Variants in HIF3A observed in about 807,000 individuals in gnomAD.
HIF3A encodes the protein hypoxia inducible factor 3 subunit alpha.
HIF3A carries 41 observed loss-of-function variants against 67.2 expected under a neutral mutation model. The ratio of observed to expected loss-of-function variants is 0.61; its 90% CI spans 0.48 to 0.79. The LOEUF (loss-of-function observed/expected upper bound fraction) is 0.79. Ranked by LOEUF, HIF3A falls within the 30% of genes least tolerant of loss-of-function variation. The pLI, the probability that HIF3A is intolerant of heterozygous loss-of-function variation, is 0.00. For missense variants in HIF3A, 855 were observed against 898.0 expected (o/e 0.95, Z 0.61); for synonymous variants, 356 against 374.8 (o/e 0.95, Z 0.58).
chr19:46,300,754 T>C (rs1398077955), intron 1 of HIF3A, among the ~76,000 whole-genome samples: 1 of 152,172 alleles, frequency 6.6e-6, no homozygotes, highest in African/African-American at 2.4e-5. Flanking sequence ...GAGTCAGGAT[T>C]GGAACCCTGA....
chr19:46,309,946 C>T (rs1452702845), intron 6 of HIF3A, among the ~76,000 whole-genome samples: 2 of 151,992 alleles, frequency 1.3e-5, no homozygotes, highest in Admixed American at 6.6e-5. Flanking sequence ...CAAGTGGGGC[C>T]GGGTGCAGTG....
chr19:46,329,792 C>T (rs1971053762), intron 12 of HIF3A, among the ~76,000 whole-genome samples: 3 of 151,954 alleles, frequency 2.0e-5, no homozygotes, highest in Admixed American at 1.3e-4. Flanking sequence ...AAGACATTGC[C>T]GTGTGTCAGA....
chr19:46,304,120 G>A, intron 2 of HIF3A, 32 bp downstream of exon 2: 1 of 1,534,518 alleles, frequency 6.5e-7, no homozygotes, highest in South Asian at 1.2e-5. Context: ...TCCCGTCTTG[G>A]TCAGGCCCCG....
chr19:46,333,778 T>G (rs1156555459), intron 13 of HIF3A, among the ~76,000 whole-genome samples: 1 of 142,844 alleles, frequency 7.0e-6, no homozygotes, highest in African/African-American at 2.7e-5. Context: ...TTCCTTTCTT[T>G]TCTTTCTTTC....
At chr19:46,320,356 G>C in intron 8 of HIF3A, 87 bp from the exon 9 acceptor site, 1 of 1,018,794 alleles carries the variant, frequency 9.8e-7, no homozygotes, top group Non-Finnish European at 1.5e-6. Flanking sequence ...ATTGCCTTCT[G>C]TAATAGGACA....
Position 46,315,323 on chromosome 19 carries a change from T to C in HIF3A, c.1025+2670T>C, listed in dbSNP as rs1274428463. ...CTCAGGTGATCCTCCTGCCTCAGCC[T>C]CCCAAAGTGCTGGAATTACAGGCGT... On this transcript the variant is annotated intron_variant, in intron 8 of 14. Coordinates refer to ENST00000377670, the MANE Select transcript of HIF3A (RefSeq NM_152795.4). Among the ~76,000 whole-genome samples the C allele has an allele frequency of 3.4e-5, 5 of 146,912 alleles. 1 individual carries two copies. The highest frequency in any genetic ancestry group is 1.2e-4 in the African/African-American group (5 of 40,480).
chr19:46,338,050 G>T (rs1971752690), intron 14 of HIF3A, among the ~76,000 whole-genome samples: 1 of 152,306 alleles, frequency 6.6e-6, no homozygotes, highest in African/African-American at 2.4e-5. Context: ...GCCTAGCTTT[G>T]TGCTAAATCC....
intron 5 of HIF3A, 42 bp from the exon 6 acceptor site, chr19:46,309,109 C>A (rs1180600965): frequency 2.6e-6 from 4 of 1,554,864 alleles, no homozygotes; most frequent in African/African-American, 2.7e-5. Flanking sequence ...TGGTCTCAGG[C>A]CCAGAGGCAC....
chr19:46,319,952 G>A (rs1344621132), intron 8 of HIF3A, among the ~76,000 whole-genome samples: 2 of 152,148 alleles, frequency 1.3e-5, no homozygotes, highest in African/African-American at 4.8e-5. Flanking sequence ...AGAATAGGCC[G>A]GGCACAGTGG....
chr19:46,298,867 C>T (rs1968085834), intron 1 of HIF3A, among the ~76,000 whole-genome samples: 1 of 150,840 alleles, frequency 6.6e-6, no homozygotes, highest in South Asian at 2.1e-4. Context: ...CCCACCAAAT[C>T]CTCTGTGCTT....
At position 46,339,950 on chromosome 19, in the gene HIF3A, A is replaced by G. The variant is rs1254094611; in HGVS notation, c.*328A>G. The stretch of plus-strand genomic sequence containing the variant: ...TCTCTTGGCTTTATTTTGGGGAATC[A>G]GGGGTGAGGAGGGTTGGGGGGGTCA... On this transcript the variant is annotated 3_prime_UTR_variant, in exon 15 of 15. Transcript: ENST00000377670. 2.3e-5 allele frequency: 6 copies of G among 262,418 alleles called. No homozygotes were observed. In the Admixed American group the frequency reaches 2.7e-4, roughly 12 times the overall value. 16.3% of individuals were successfully genotyped at this position (262,418 alleles called of 1,614,324 possible).
chr19:46,326,497 G>C (rs1465282055), intron 11 of HIF3A, among the ~76,000 whole-genome samples: 1 of 152,044 alleles, frequency 6.6e-6, no homozygotes, highest in Non-Finnish European at 1.5e-5. Context: ...GGATCATTGG[G>C]AACTTCCAAT....
intron 8 of HIF3A, 72 bp downstream of exon 8, chr19:46,312,725 G>GTGTGTGTA: frequency 1.3e-6 from 2 of 1,507,478 alleles, no homozygotes; most frequent in Non-Finnish European, 1.8e-6. Flanking sequence ...GTGTGTGTGT[G>GTGTGTGTA]TGTGTGTGTG....
chr19:46,322,087 AG>A lies in HIF3A; in HGVS notation c.1335+123del, dbSNP rs1970414453. ...CAGCTTCTCCATCTGTGTAGTGGGG[AG>A]GTTGGGATGAGATGGGGTTGAGGTT... On this transcript the variant is annotated intron_variant, in intron 10 of 14. Transcript: ENST00000377670. The A allele has an allele frequency of 4.0e-6, 4 of 996,580 alleles. No individual in the cohort carries two copies. The Admixed American group carries it at 1.1e-4, about 28-fold the overall frequency. 61.7% of individuals were successfully genotyped at this position (996,580 alleles called of 1,614,324 possible). A position where few individuals can be genotyped will look rare whatever the true frequency, so the allele number is the denominator to read the frequency against.
chr19:46,312,156 C>G lies in HIF3A; in HGVS notation c.771-5C>G. On this transcript the variant is annotated splice_polypyrimidine_tract_variant and splice_region_variant and intron_variant, in intron 6 of 14. Coordinates refer to ENST00000377670, the MANE Select transcript of HIF3A (RefSeq NM_152795.4). ...TGACCAGACCCCACTCCGCCCCACC[C>G]CCAGGATTGCAGAAGTGGCTGGCTA... The G allele has an allele frequency of 1.9e-6, 3 of 1,613,562 alleles. No homozygotes were observed. The highest frequency in any genetic ancestry group is 2.5e-6 in the Non-Finnish European group (3 of 1,179,504).
intron 1 of HIF3A, 58 bp from the exon 2 acceptor site, chr19:46,303,840 C>G (rs1411963566): frequency 5.1e-6 from 8 of 1,562,884 alleles, no homozygotes; most frequent in Non-Finnish European, 8.7e-7. Flanking sequence ...ACGTGCTCGT[C>G]CCGTCCTCCT....
chr19:46,313,327 C>T, intron 8 of HIF3A: 1 of 982,744 alleles, frequency 1.0e-6, no homozygotes, highest in Non-Finnish European at 1.2e-6. Flanking sequence ...ATCATGGGGT[C>T]TTTTTTGCTT....
chr19:46,311,838 G>A (rs1050167657), intron 6 of HIF3A, among the ~76,000 whole-genome samples: 8 of 152,148 alleles, frequency 5.3e-5, no homozygotes, highest in African/African-American at 9.7e-5. Flanking sequence ...TCTAGTCTGC[G>A]TGACAGAGCG....
intron 11 of HIF3A, 69 bp from the exon 12 acceptor site, chr19:46,329,138 G>T: frequency 7.0e-7 from 1 of 1,433,676 alleles, no homozygotes; most frequent in South Asian, 1.3e-5. Context: ...AAGTGATGGT[G>T]CTGGGACTTC....
Sources: allele counts gnomAD v4.1 joint callset (sites outside exome capture counted in the v4.1 genomes callset), GRCh38; gene constraint gnomAD v4.1.1; transcripts MANE v1.5; gene names NCBI Gene and HGNC (gene_info 2026-07-23, HGNC 2026-07-21).